SEL1L2: variants seen among roughly 807,000 people sequenced by gnomAD.
SEL1L2 encodes the protein protein sel-1 homolog 2.
Under a neutral mutation model 98.8 loss-of-function variants are expected in SEL1L2, and 89 were observed. The observed-to-expected ratio is 0.90, with a 90% confidence interval of 0.76 to 1.07. The LOEUF is 1.07. Among genes scored for constraint, SEL1L2 ranks in the 50% least tolerant of loss-of-function variants. The pLI, the probability that SEL1L2 is intolerant of heterozygous loss-of-function variation, is 0.00. For missense variants in SEL1L2, 788 were observed against 812.0 expected (o/e 0.97, Z 0.36); for synonymous variants, 262 against 278.5 (o/e 0.94, Z 0.59).
intron 2 of SEL1L2, among the ~76,000 whole-genome samples, chr20:13,942,420 G>T (rs1481557098): frequency 6.6e-6 from 1 of 152,082 alleles, no homozygotes; most frequent in Non-Finnish European, 1.5e-5. Flanking sequence ...CTTAAAGTAT[G>T]GTCCCTGAAA....
At chr20:13,950,168 G>A (rs1243914834) in intron 2 of SEL1L2, among the ~76,000 whole-genome samples, 3 of 152,158 alleles carry the variant, frequency 2.0e-5, no homozygotes, top group African/African-American at 7.2e-5. Flanking sequence ...AGGGGCTGGG[G>A]TGAGAGGGGA....
At chr20:13,931,830 C>A in intron 2 of SEL1L2, 59 bp from the exon 3 acceptor site, 1 of 1,336,404 alleles carries the variant, frequency 7.5e-7, no homozygotes, top group Non-Finnish European at 1.0e-6. Context: ...TCAAATGAAA[C>A]AACAGGAAAG....
At chr20:13,850,823 TTTTAGGTCCCCAA>T (rs1340496471) in intron 18 of SEL1L2, among the ~76,000 whole-genome samples, 1 of 152,146 alleles carries the variant, frequency 6.6e-6, no homozygotes, top group Non-Finnish European at 1.5e-5. Flanking sequence ...GCTTGTGCTG[TTTTAGGTCCCCAA>T]ATTTGTAGTG....
At chr20:13,952,756 G>A (rs60370266) in intron 2 of SEL1L2, among the ~76,000 whole-genome samples, 1,889 of 72,806 alleles carry the variant, frequency 0.026, 42 homozygotes, top group East Asian at 0.15. Context: ...TTGGCTGGGC[G>A]CGGTGCCTGG....
intron 18 of SEL1L2, among the ~76,000 whole-genome samples, chr20:13,851,820 G>C (rs900459143): frequency 8.6e-5 from 13 of 151,812 alleles, no homozygotes; most frequent in African/African-American, 3.1e-4. Context: ...TTTGATACTT[G>C]TGAATCCTTG....
At chr20:13,877,998 C>G (rs529917322) in intron 10 of SEL1L2, among the ~76,000 whole-genome samples, 3 of 152,312 alleles carry the variant, frequency 2.0e-5, no homozygotes, top group Admixed American at 2.0e-4. Context: ...ATTGGATACA[C>G]AGTTTGCTAA....
At chr20:13,959,574 A>T (rs1015174117) in intron 1 of SEL1L2, among the ~76,000 whole-genome samples, 3 of 152,164 alleles carry the variant, frequency 2.0e-5, no homozygotes, top group African/African-American at 7.2e-5. Context: ...TAGGCTTTGA[A>T]GTTTTGTCTC....
At chr20:13,972,576 G>T (rs1397881308) in intron 1 of SEL1L2, among the ~76,000 whole-genome samples, 4 of 152,102 alleles carry the variant, frequency 2.6e-5, no homozygotes, top group Non-Finnish European at 5.9e-5. Context: ...TTCAGCTAGG[G>T]TTTGTAGGTG....
chr20:13,849,528 A>T lies in SEL1L2; in HGVS notation c.2024T>A (p.Ile675Asn), dbSNP rs1568810712. The T allele has an allele frequency of 4.3e-6, 7 of 1,614,086 alleles. No individual in the cohort carries two copies. The highest frequency in any genetic ancestry group is 5.9e-6 in the Non-Finnish European group (7 of 1,179,972). The change falls in exon 20 of 20, where the codon ATT (isoleucine) becomes AAT (asparagine). Residue 675 changes from isoleucine (I) to asparagine (N), a missense_variant. By Grantham distance (149) the Ile-to-Asn change is moderately radical (BLOSUM62 -3). Transcript: ENST00000284951. ...AAGCAACAAAATCAGCCCAGGAACAATGAGGCCAATCACAAATAAGTCCCA... is the reference window on the plus strand; with the variant it reads ...AAGCAACAAAATCAGCCCAGGAACATTGAGGCCAATCACAAATAAGTCCCA... Reference protein sequence around the residue: ...PHWDLFVIGLIVPGLILLLRN... With the variant: ...PHWDLFVIGLNVPGLILLLRN...
At chr20:13,909,162 G>C (rs2048109948) in intron 5 of SEL1L2, among the ~76,000 whole-genome samples, 1 of 151,304 alleles carries the variant, frequency 6.6e-6, no homozygotes, top group Non-Finnish European at 1.5e-5. Context: ...CCACATTTCT[G>C]TTGCTATGTT....
At chr20:13,963,114 C>T (rs1287036811) in intron 1 of SEL1L2, among the ~76,000 whole-genome samples, 1 of 150,606 alleles carries the variant, frequency 6.6e-6, no homozygotes, top group Non-Finnish European at 1.5e-5. Flanking sequence ...AAAAAAAACT[C>T]TCTATTATAG....
At chr20:13,945,065 A>G (rs2049948259) in intron 2 of SEL1L2, among the ~76,000 whole-genome samples, 1 of 152,234 alleles carries the variant, frequency 6.6e-6, no homozygotes, top group Admixed American at 6.5e-5. Flanking sequence ...ATGGAGAACT[A>G]CATTTCATCA....
intron 18 of SEL1L2, among the ~76,000 whole-genome samples, chr20:13,858,927 A>G (rs1989596587): frequency 6.6e-6 from 1 of 152,214 alleles, no homozygotes; most frequent in East Asian, 1.9e-4. Context: ...TTTAATGGAA[A>G]GAAAGGCCCA....
chr20:13,890,209 T>C (rs892317795), intron 5 of SEL1L2, among the ~76,000 whole-genome samples: 1 of 152,150 alleles, frequency 6.6e-6, no homozygotes, highest in African/African-American at 2.4e-5. Context: ...AAGGAACACA[T>C]GACTTTTCAG....
At chr20:13,936,188 T>A (rs992375787) in intron 2 of SEL1L2, among the ~76,000 whole-genome samples, 2 of 152,186 alleles carry the variant, frequency 1.3e-5, no homozygotes, top group Admixed American at 6.6e-5. Context: ...GAGAAAATTA[T>A]GACATTGAAA....
intron 18 of SEL1L2, among the ~76,000 whole-genome samples, chr20:13,855,649 C>T (rs1037744912): frequency 7.2e-5 from 11 of 152,180 alleles, no homozygotes; most frequent in Admixed American, 5.2e-4. Flanking sequence ...AATTGTGGGG[C>T]CAAACTCCTT....
intron 9 of SEL1L2, among the ~76,000 whole-genome samples, chr20:13,885,831 C>T (rs1194945872): frequency 2.0e-5 from 3 of 152,036 alleles, no homozygotes; most frequent in East Asian, 1.9e-4. Flanking sequence ...GTCAGGAGAT[C>T]GAGACCATCC....
At position 13,878,554 on chromosome 20, in the gene SEL1L2, C is replaced by T. The variant is rs200715146; in HGVS notation, c.958-966G>A. 6.6e-5 allele frequency among the ~76,000 whole-genome samples: 10 copies of T among 152,304 alleles called. No individual in the cohort carries two copies. The East Asian group carries it at 1.4e-3, about 21-fold the overall frequency. On this transcript the variant is annotated intron_variant, in intron 10 of 19. Transcript: ENST00000284951. ...TCTTGATCAGGTTGATGTGCAAAGA[C>T]GTTCCTTCTCAAAGAGAAGAGAATG... is the stretch of plus-strand genomic sequence containing the variant.
intron 1 of SEL1L2, among the ~76,000 whole-genome samples, chr20:13,981,554 C>T (rs534910158): frequency 8.5e-4 from 130 of 152,230 alleles, no homozygotes; most frequent in African/African-American, 2.8e-3. Context: ...TCACATTGTG[C>T]CCCATAACTA....
Sources: gnomAD v4.1 joint callset for allele counts (sites outside exome capture counted in the v4.1 genomes callset) on GRCh38, gnomAD v4.1.1 for gene constraint, MANE v1.5 for transcripts, NCBI Gene and HGNC (gene_info 2026-07-23, HGNC 2026-07-21) for gene names.